Variants in PRDM2 observed in about 807,000 individuals in gnomAD.
PRDM2 encodes PR/SET domain 2, also known as PR domain zinc finger protein 2.
In PRDM2, 30 loss-of-function variants were observed where a neutral mutation model predicts 130.0. The observed-to-expected ratio is 0.23, with a 90% CI of 0.17 to 0.31. The LOEUF is 0.31. PRDM2 is among the 10% of genes least tolerant of loss of function. PRDM2 has a pLI of 1.00. For missense variants in PRDM2, 2,011 were observed against 2,108.4 expected, an observed-to-expected ratio of 0.95 and a Z score of 0.90; for synonymous variants, 871 against 782.4, an observed-to-expected ratio of 1.11 and a Z score of -1.89.
At chr1:13,788,071 T>G in intron 8 of PRDM2, 1 of 976,682 alleles carries the variant, frequency 1.0e-6, no homozygotes. Context: ...ATAAAAAACT[T>G]TCTAAACATC....
chr1:13,804,373 C>T (rs1284993839), intron 8 of PRDM2, among the ~76,000 whole-genome samples: 3 of 152,130 alleles, frequency 2.0e-5, no homozygotes, highest in Admixed American at 6.5e-5. Context: ...GTCTACAGAA[C>T]TTCATCAAGC....
At chr1:13,784,590 C>G (rs984661003) in intron 8 of PRDM2, among the ~76,000 whole-genome samples, 4 of 152,210 alleles carry the variant, frequency 2.6e-5, no homozygotes, top group Non-Finnish European at 5.9e-5. Context: ...CAAATAGCCT[C>G]TACCCAGTGT....
At chr1:13,776,360 A>G (rs1192908598) in intron 7 of PRDM2, among the ~76,000 whole-genome samples, 1 of 152,076 alleles carries the variant, frequency 6.6e-6, no homozygotes, top group African/African-American at 2.4e-5. Context: ...TAACTCTCCT[A>G]GTGCCTGCAG....
At chr1:13,733,002 A>G in intron 4 of PRDM2, 120 bp downstream of exon 4, 1 of 731,984 alleles carries the variant, frequency 1.4e-6, no homozygotes, top group Non-Finnish European at 2.2e-6. Flanking sequence ...AAAGTCAAGA[A>G]TATTTTTATT....
intron 6 of PRDM2, among the ~76,000 whole-genome samples, chr1:13,758,372 G>C (rs1644011940): frequency 1.3e-5 from 2 of 151,412 alleles, no homozygotes; most frequent in Admixed American, 1.3e-4. Flanking sequence ...GCTTGAACTT[G>C]GGAGGCGGAG....
Position 13,823,324 on chromosome 1 carries a change from A to G in PRDM2, c.*189A>G. ...TCACGTGTTCTCGTGCGGGCGCGTGAGTGGTCTTCAAACGAGGGTCCCGAT... is the reference window on the plus strand; with the variant it reads ...TCACGTGTTCTCGTGCGGGCGCGTGGGTGGTCTTCAAACGAGGGTCCCGAT... On this transcript the variant is annotated 3_prime_UTR_variant, in exon 10 of 10. Coordinates refer to ENST00000311066, the MANE Select transcript of PRDM2 (RefSeq NM_001393986.1). The G allele has an allele frequency of 9.7e-7, 1 of 1,034,462 alleles. No homozygotes were observed. Among genetic ancestry groups the G allele is most frequent in the Admixed American group, 2.1e-5 (1 of 47,904 alleles). The allele number at this position is 1,034,462 out of a possible 1,614,324, so 64.1% of individuals were successfully genotyped here. A position where few individuals can be genotyped will look rare whatever the true frequency, so the allele number is the denominator to read the frequency against.
At chr1:13,793,437 G>A (rs571911114) in intron 8 of PRDM2, among the ~76,000 whole-genome samples, 5 of 152,358 alleles carry the variant, frequency 3.3e-5, no homozygotes, top group African/African-American at 1.2e-4. Context: ...GTGGAAAGGG[G>A]CAGCATGTGG....
intron 8 of PRDM2, among the ~76,000 whole-genome samples, chr1:13,802,896 G>A (rs543426931): frequency 6.6e-6 from 1 of 152,370 alleles, no homozygotes; most frequent in South Asian, 2.1e-4. Context: ...ATTTGGGGCA[G>A]CCTAGAACCA....
intron 8 of PRDM2, among the ~76,000 whole-genome samples, chr1:13,809,237 C>G (rs987409289): frequency 6.6e-6 from 1 of 152,094 alleles, no homozygotes; most frequent in African/African-American, 2.4e-5. Context: ...GTGTCGTGGT[C>G]CGTTTTGCCT....
chr1:13,749,595 C>G, intron 6 of PRDM2, 108 bp downstream of exon 6: 1 of 685,656 alleles, frequency 1.5e-6, no homozygotes, highest in African/African-American at 2.0e-5. Flanking sequence ...GTCGCGGGCT[C>G]GGGCGGCGGC....
chr1:13,774,837 C>T (rs1256777374), intron 7 of PRDM2, among the ~76,000 whole-genome samples: 3 of 151,944 alleles, frequency 2.0e-5, no homozygotes, highest in African/African-American at 4.8e-5. Context: ...ATTAGCCAGG[C>T]GTGGTGGTGG....
chr1:13,769,057 C>T lies in PRDM2; in HGVS notation c.512-4021C>T, dbSNP rs528848221. 5 of 834,604 alleles carry T rather than the reference C, an allele frequency of 6.0e-6. No individual in the cohort carries two copies. In the South Asian group the frequency reaches 2.8e-4, roughly 46 times the overall value. 51.7% of individuals were successfully genotyped at this position (834,604 alleles called of 1,614,324 possible). On this transcript the variant is annotated intron_variant, in intron 6 of 9. Transcript: ENST00000311066. ...CACATAGTGTTGTCCTGTCCCTCTG[C>T]TGTTCCTTGTCATCATTTCCATTTC...
intron 1 of PRDM2, among the ~76,000 whole-genome samples, chr1:13,713,315 G>C (rs554222829): frequency 6.6e-6 from 1 of 152,320 alleles, no homozygotes; most frequent in East Asian, 1.9e-4. Context: ...GGGTGCTCAT[G>C]GGGAGGCAGG....
At chr1:13,788,706 C>G (rs1383642234) in intron 8 of PRDM2, among the ~76,000 whole-genome samples, 2 of 152,206 alleles carry the variant, frequency 1.3e-5, no homozygotes, top group African/African-American at 4.8e-5. Context: ...TAGTTTTAAA[C>G]AAATGAGGCT....
intron 6 of PRDM2, among the ~76,000 whole-genome samples, chr1:13,762,180 C>A (rs1644114460): frequency 6.6e-6 from 1 of 152,260 alleles, no homozygotes; most frequent in African/African-American, 2.4e-5. Context: ...TCTTTGACAA[C>A]AGTATCCGAT....
rs754014817 is a variant in PRDM2 at position 13,803,912 on chromosome 1, G to A, written c.5037-12515G>A. Among the ~76,000 whole-genome samples, 3 of 152,150 alleles carry A rather than the reference G, an allele frequency of 2.0e-5. No individual in the cohort carries two copies. The highest frequency in any genetic ancestry group is 2.1e-4 in the South Asian group (1 of 4,826). ...GGGGCGTGATTGATCTTTTGGGAGC[G>A]TGGAGGCCACATTGGGGGCTCAGCA... On this transcript the variant is annotated intron_variant, in intron 8 of 9. Transcript: ENST00000311066. This position sits in a 1 kb window ranked among gnomAD's most constrained non-coding sequence, Gnocchi z 6.2.
Position 13,773,100 on chromosome 1 carries a change from T to C in PRDM2, c.534T>C (p.Asn178=), listed in dbSNP as rs772274305. 3.5e-5 allele frequency: 54 copies of C among 1,539,636 alleles called. No homozygotes were observed. In the Middle Eastern group the frequency reaches 5.2e-4, roughly 15 times the overall value. ...CAGGGAAGAAAAAATCCCAGGAAAATAAAAACAAAGGAAACAAAATCCAAG... is the reference window on the plus strand; with the variant it reads ...CAGGGAAGAAAAAATCCCAGGAAAACAAAAACAAAGGAAACAAAATCCAAG... The part of the protein sequence containing the change: ...SRKGKKKSQE[N]KNKGNKIQDI... Residue 178 remains asparagine, a synonymous_variant, in exon 7 of 10, where the codon AAT becomes AAC. Transcript: ENST00000311066.
Position 13,779,394 on chromosome 1 carries a change from C to A in PRDM2, c.1599C>A (p.Ala533=), listed in dbSNP as rs1042721123. The change falls in exon 8 of 10, where the codon GCC becomes GCA. Residue 533 remains alanine (A), a synonymous_variant. Transcript: ENST00000311066. The surrounding 1 kb of genome is among the most constrained non-coding windows in gnomAD (Gnocchi z 4.9). The stretch of plus-strand genomic sequence containing the variant: ...AGCCTCCAGCAGAACAGGCCCAGGC[C>A]ACCCAGAACGTGTATGTACCAAGCA... The part of the protein sequence containing the change: ...EPQPPAEQAQ[A]TQNVYVPSTE... 3 of 1,613,990 alleles carry A rather than the reference C, an allele frequency of 1.9e-6. No homozygotes were observed. The highest frequency in any genetic ancestry group is 1.7e-5 in the Admixed American group (1 of 60,000).
chr1:13,715,873 T>C (rs549646886), intron 2 of PRDM2, among the ~76,000 whole-genome samples: 8 of 152,248 alleles, frequency 5.3e-5, no homozygotes, highest in Non-Finnish European at 1.2e-4. Flanking sequence ...AGACTTTCTT[T>C]TTGACCTCTC....
Sources: gnomAD v4.1 joint callset for allele counts (sites outside exome capture counted in the v4.1 genomes callset) on GRCh38, gnomAD v4.1.1 for gene constraint, Gnocchi (gnomAD v3.1) non-coding constraint, MANE v1.5 for transcripts, NCBI Gene and HGNC (gene_info 2026-07-23, HGNC 2026-07-21) for gene names.